The following ATR variants were observed in gnomAD, a reference collection of about 807,000 sequenced individuals.
ATR encodes serine/threonine-protein kinase ATR.
In ATR, 142 loss-of-function variants were observed where a neutral mutation model predicts 305.3. The ratio of observed to expected loss-of-function variants is 0.47; its 90% CI spans 0.41 to 0.53. The LOEUF (loss-of-function observed/expected upper bound fraction) is 0.53, where lower values mean the gene tolerates loss of function less well. Among genes scored for constraint, ATR ranks in the 20% least tolerant of loss-of-function variants. The pLI is 0.00. For synonymous variants in ATR, 1,050 were observed against 1,068.1 expected (o/e 0.98, Z 0.33); for missense variants, 2,135 against 3,133.1 (o/e 0.68, Z 7.60).
chr3:142,572,372 C>CTTTTTTT lies in ATR; in HGVS notation c.60-4225_60-4219dup, dbSNP rs11318957. On this transcript the variant is annotated intron_variant, in intron 1 of 46. Transcript: ENST00000350721. Reference sequence around the variant, plus strand: ...GCGTGAGCCACCACGCCCGGCCTGACTTTTTTTTTTTTTTTTTTTTTTTTT... The same window carrying CTTTTTTT: ...GCGTGAGCCACCACGCCCGGCCTGACTTTTTTTTTTTTTTTTTTTTTTTTTTTTTTTT... Among the ~76,000 whole-genome samples the CTTTTTTT allele has an allele frequency of 8.2e-3, 465 of 56,656 alleles. 47 individuals carry two copies. The highest frequency in any genetic ancestry group is 0.012 in the Non-Finnish European group (353 of 30,660). The allele number at this position is 56,656 out of a possible 152,430, so 37.2% of individuals were successfully genotyped here.
At chr3:142,542,523 CA>C in intron 17 of ATR, 141 bp downstream of exon 17, 2 of 839,602 alleles carry the variant, frequency 2.4e-6, no homozygotes, top group Non-Finnish European at 3.8e-6. Flanking sequence ...TTTAGACTCC[CA>C]AAAAACGTAT....
chr3:142,540,489 C>T (rs1277301060), intron 18 of ATR, among the ~76,000 whole-genome samples: 1 of 152,004 alleles, frequency 6.6e-6, no homozygotes, highest in African/African-American at 2.4e-5. Context: ...TCTATTAATC[C>T]TGCTAAGTAT....
intron 21 of ATR, among the ~76,000 whole-genome samples, chr3:142,530,101 TTTTTACTCCTTTATCTA>T (rs1442173485): frequency 6.6e-6 from 1 of 152,130 alleles, no homozygotes; most frequent in African/African-American, 2.4e-5. Flanking sequence ...TTTTTACTCC[TTTTTACTCCTTTATCTA>T]TTTTACTCCT....
At chr3:142,515,625 T>G in intron 24 of ATR, 110 bp from the exon 25 acceptor site, 1 of 1,186,234 alleles carries the variant, frequency 8.4e-7, no homozygotes, top group Non-Finnish European at 1.2e-6. Context: ...TTGCCTTTAC[T>G]GCAATCTGCT....
At chr3:142,501,108 C>T (rs559141045) in intron 30 of ATR, among the ~76,000 whole-genome samples, 3 of 152,232 alleles carry the variant, frequency 2.0e-5, no homozygotes, top group Non-Finnish European at 4.4e-5. Context: ...GAAAAACATG[C>T]CCCATCCATA....
intron 24 of ATR, among the ~76,000 whole-genome samples, chr3:142,519,134 T>C (rs181097552): frequency 2.7e-3 from 418 of 152,270 alleles, no homozygotes; most frequent in Non-Finnish European, 4.7e-3. Context: ...AATCAATCCT[T>C]TTAACTTCAA....
At position 142,455,337 on chromosome 3, in the gene ATR, C is replaced by G. The variant is rs567830825; in HGVS notation, c.7656-2104G>C. Among the ~76,000 whole-genome samples the G allele has an allele frequency of 1.1e-4, 16 of 152,250 alleles. No homozygotes were observed. In the South Asian group the frequency reaches 3.3e-3, roughly 32 times the overall value. On this transcript the variant is annotated intron_variant, in intron 45 of 46. Coordinates refer to ENST00000350721, the MANE Select transcript of ATR (RefSeq NM_001184.4). ...AACATGGTTAAGACAGCAATACTCC[C>G]AAATTGTTAAGACAGCAATACTCCC...
At chr3:142,474,472 A>G (rs934413396) in intron 36 of ATR, among the ~76,000 whole-genome samples, 2 of 152,024 alleles carry the variant, frequency 1.3e-5, no homozygotes, top group Non-Finnish European at 2.9e-5. Flanking sequence ...CCCAAGTATT[A>G]TATTTTATTT....
chr3:142,542,832 T>C, intron 16 of ATR, 75 bp from the exon 17 acceptor site: 1 of 1,174,746 alleles, frequency 8.5e-7, no homozygotes. Context: ...AATTATTTAA[T>C]TAATGTCATT....
intron 15 of ATR, 52 bp downstream of exon 15, chr3:142,549,427 C>A: frequency 8.0e-7 from 1 of 1,248,214 alleles, no homozygotes; most frequent in Non-Finnish European, 1.1e-6. Context: ...TACATCTTTC[C>A]TATAATGCTA....
At chr3:142,506,172 A>C (rs1272857010) in intron 28 of ATR, among the ~76,000 whole-genome samples, 1 of 152,232 alleles carries the variant, frequency 6.6e-6, no homozygotes, top group Non-Finnish European at 1.5e-5. Context: ...AAGAAACTAG[A>C]CAATTCCTTC....
Position 142,524,188 on chromosome 3 carries a change from T to A in ATR, c.3957A>T (p.Ile1319=), listed in dbSNP as rs1461665448. The A allele has an allele frequency of 1.2e-6, 2 of 1,612,964 alleles. No homozygotes were observed. Among genetic ancestry groups the A allele is most frequent in the Admixed American group, 1.7e-5 (1 of 60,002 alleles). The change falls in exon 22 of 47, where the codon ATA becomes ATT. Residue 1319 remains isoleucine (I), a synonymous_variant. Coordinates refer to ENST00000350721, the MANE Select transcript of ATR (RefSeq NM_001184.4). The stretch of plus-strand genomic sequence containing the variant: ...CTGTTTCACTGTCTGTTGCATACTT[T>A]ATCAGTTTTTCCTAAAATAAAAGTA... ...ETLYKNQEKL[I]KYATDSETVE...
intron 36 of ATR, among the ~76,000 whole-genome samples, chr3:142,473,480 T>G (rs2071347608): frequency 6.6e-6 from 1 of 152,162 alleles, no homozygotes. Flanking sequence ...AATGTCATAC[T>G]GTTTTGATTA....
At chr3:142,514,822 AAAAAAAG>A (rs1328228826) in intron 25 of ATR, among the ~76,000 whole-genome samples, 1 of 151,470 alleles carries the variant, frequency 6.6e-6, no homozygotes, top group African/African-American at 2.4e-5. Flanking sequence ...AAAAAAAAAA[AAAAAAAG>A]AAAGGTAAAT....
chr3:142,516,307 C>A (rs1372015014), intron 24 of ATR, among the ~76,000 whole-genome samples: 1 of 152,138 alleles, frequency 6.6e-6, no homozygotes, highest in Non-Finnish European at 1.5e-5. Flanking sequence ...CGGTATTCAT[C>A]TGCTAACCTC....
rs775631424 is a variant in ATR, at chr3:142,578,724, A to C, written c.-20T>G. 25 of 1,610,646 alleles carry C rather than the reference A, an allele frequency of 1.6e-5. No individual in the cohort carries two copies. Among genetic ancestry groups the C allele is most frequent in the Non-Finnish European group, 2.0e-5 (24 of 1,179,210 alleles). On this transcript the variant is annotated 5_prime_UTR_variant, in exon 1 of 47. Coordinates refer to ENST00000350721, the MANE Select transcript of ATR (RefSeq NM_001184.4). The stretch of plus-strand genomic sequence containing the variant: ...CCCCATGCTGAGGCTGCGAGGCACT[A>C]GTCAACCACGCCAACGCGGGTTCCC...
At chr3:142,525,324 G>T (rs2033328189) in intron 21 of ATR, among the ~76,000 whole-genome samples, 1 of 151,756 alleles carries the variant, frequency 6.6e-6, no homozygotes, top group African/African-American at 2.4e-5. Context: ...GTTTGGTTGG[G>T]CTACTATATT....
intron 21 of ATR, among the ~76,000 whole-genome samples, chr3:142,534,451 A>C (rs2033778364): frequency 6.6e-6 from 1 of 152,196 alleles, no homozygotes; most frequent in Admixed American, 6.5e-5. Context: ...CCATTATAGA[A>C]TGGTAATCCC....
chr3:142,578,476 G>A (rs996436533), intron 1 of ATR, among the ~76,000 whole-genome samples, 170 bp downstream of exon 1: 1 of 152,196 alleles, frequency 6.6e-6, no homozygotes, highest in African/African-American at 2.4e-5. Context: ...TGCTATCAAC[G>A]GGCACTCTGA....
Sources: allele counts gnomAD v4.1 joint callset (sites outside exome capture counted in the v4.1 genomes callset), GRCh38; gene constraint gnomAD v4.1.1; transcripts MANE v1.5; gene names NCBI Gene and HGNC (gene_info 2026-07-23, HGNC 2026-07-21).